The following COL25A1 variants were observed in gnomAD, a reference collection of about 807,000 sequenced individuals.
COL25A1 encodes the protein collagen alpha-1(XXV) chain.
In COL25A1, 103 loss-of-function variants were observed where a neutral mutation model predicts 128.4. The ratio of observed to expected loss-of-function variants is 0.80; its 90% confidence interval spans 0.68 to 0.94. The LOEUF (loss-of-function observed/expected upper bound fraction) is 0.94. COL25A1 is among the 40% of genes least tolerant of loss of function. COL25A1 has a pLI of 0.00. For missense variants in COL25A1, 745 were observed against 840.0 expected, an observed-to-expected ratio of 0.89 and a Z score of 1.40; for synonymous variants, 279 against 277.2, an observed-to-expected ratio of 1.01 and a Z score of -0.06.
At chr4:109,255,100 T>C (rs1780992098) in intron 3 of COL25A1, among the ~76,000 whole-genome samples, 1 of 152,126 alleles carries the variant, frequency 6.6e-6, no homozygotes, top group South Asian at 2.1e-4. Context: ...AAGTATTCCG[T>C]TTGGGTGGGA....
At chr4:109,086,792 C>A (rs1258779252) in intron 3 of COL25A1, among the ~76,000 whole-genome samples, 1 of 152,136 alleles carries the variant, frequency 6.6e-6, no homozygotes, top group African/African-American at 2.4e-5. Flanking sequence ...CTCAGAGGGG[C>A]CTAGGAAAGC....
intron 8 of COL25A1, among the ~76,000 whole-genome samples, chr4:108,953,272 A>G (rs933043724): frequency 5.3e-5 from 8 of 152,164 alleles, no homozygotes; most frequent in Non-Finnish European, 8.8e-5. Context: ...GTACTAGTTC[A>G]TCTGGTCCTA....
chr4:108,901,060 T>A, intron 14 of COL25A1, 59 bp downstream of exon 14: 6 of 1,325,776 alleles, frequency 4.5e-6, no homozygotes. Flanking sequence ...AAATAATAGC[T>A]TACAATTTCC....
At chr4:109,201,357 AT>A (rs1356647261) in intron 3 of COL25A1, among the ~76,000 whole-genome samples, 2 of 152,210 alleles carry the variant, frequency 1.3e-5, no homozygotes, top group Non-Finnish European at 2.9e-5. Context: ...AATTAATGAA[AT>A]CCACCACACA....
intron 6 of COL25A1, among the ~76,000 whole-genome samples, chr4:108,993,110 G>A (rs1185733517): frequency 1.3e-5 from 2 of 152,040 alleles, no homozygotes; most frequent in African/African-American, 4.8e-5. Context: ...TCACCATGTT[G>A]TACCATAGAT....
chr4:109,021,424 C>A (rs1757751687), intron 5 of COL25A1, among the ~76,000 whole-genome samples: 1 of 152,168 alleles, frequency 6.6e-6, no homozygotes, highest in African/African-American at 2.4e-5. Flanking sequence ...CTAATAATTT[C>A]TTATGCCTGT....
At chr4:109,007,691 G>A (rs1226256097) in intron 6 of COL25A1, among the ~76,000 whole-genome samples, 1 of 152,206 alleles carries the variant, frequency 6.6e-6, no homozygotes, top group African/African-American at 2.4e-5. Context: ...GGGACCATTT[G>A]AAAATGCTGG....
intron 3 of COL25A1, among the ~76,000 whole-genome samples, chr4:109,297,099 T>G (rs1386276813): frequency 6.6e-6 from 1 of 152,136 alleles, no homozygotes; most frequent in East Asian, 1.9e-4. Flanking sequence ...TCAATTTGTA[T>G]GGAAATTTTA....
intron 3 of COL25A1, among the ~76,000 whole-genome samples, chr4:109,241,224 T>C (rs1465984212): frequency 1.3e-5 from 2 of 152,012 alleles, no homozygotes; most frequent in African/African-American, 4.8e-5. Context: ...ATCTCTAAGG[T>C]GTCTTTTAAT....
At chr4:109,134,836 A>G (rs188983224) in intron 3 of COL25A1, among the ~76,000 whole-genome samples, 1 of 152,246 alleles carries the variant, frequency 6.6e-6, no homozygotes, top group Admixed American at 6.5e-5. Context: ...TTGGAGAAAA[A>G]TTCTGAGCTA....
intron 3 of COL25A1, among the ~76,000 whole-genome samples, chr4:109,160,850 C>A (rs1772504876): frequency 6.6e-6 from 1 of 152,104 alleles, no homozygotes; most frequent in Non-Finnish European, 1.5e-5. Flanking sequence ...ACCCTAAAAT[C>A]CCTTTACCAA....
chr4:109,244,700 T>A (rs1426170977), intron 3 of COL25A1, among the ~76,000 whole-genome samples: 1 of 152,082 alleles, frequency 6.6e-6, no homozygotes, highest in Non-Finnish European at 1.5e-5. Flanking sequence ...TGCACTGCAG[T>A]CCCCAAAAGA....
intron 31 of COL25A1, among the ~76,000 whole-genome samples, chr4:108,834,661 A>G (rs1201337772): frequency 6.6e-6 from 1 of 152,208 alleles, no homozygotes; most frequent in African/African-American, 2.4e-5. Flanking sequence ...AAACTGGGCT[A>G]CAAAGTAGTT....
intron 3 of COL25A1, among the ~76,000 whole-genome samples, chr4:109,065,543 C>G (rs890173): frequency 7.6e-6 from 1 of 131,132 alleles, no homozygotes. Flanking sequence ...CGCGCGCGCG[C>G]GCGTGTGTGT....
At chr4:108,917,422 C>T (rs893845202) in intron 13 of COL25A1, among the ~76,000 whole-genome samples, 2 of 152,132 alleles carry the variant, frequency 1.3e-5, no homozygotes, top group East Asian at 3.9e-4. Context: ...GAAAGTCCCT[C>T]GCTCAGCTTC....
At chr4:109,165,790 C>T (rs570608406) in intron 3 of COL25A1, among the ~76,000 whole-genome samples, 1 of 152,214 alleles carries the variant, frequency 6.6e-6, no homozygotes, top group East Asian at 1.9e-4. Context: ...TAAGTGTATG[C>T]TATCTCCATA....
At chr4:109,012,681 T>C (rs1364312151) in intron 5 of COL25A1, among the ~76,000 whole-genome samples, 1 of 152,088 alleles carries the variant, frequency 6.6e-6, no homozygotes, top group Non-Finnish European at 1.5e-5. Context: ...CGCACCACGC[T>C]TGAATTCTCA....
chr4:109,287,474 T>A (rs928422514), intron 3 of COL25A1, among the ~76,000 whole-genome samples: 6 of 152,222 alleles, frequency 3.9e-5, no homozygotes, highest in Admixed American at 6.5e-5. Context: ...AGAGGTCAGT[T>A]ACCATCCACA....
intron 3 of COL25A1, among the ~76,000 whole-genome samples, chr4:109,181,903 A>G (rs1774672633): frequency 6.6e-6 from 1 of 151,948 alleles, no homozygotes; most frequent in Non-Finnish European, 1.5e-5. Flanking sequence ...CTCTGTTTCT[A>G]TGAGTTCAAC....
Sources: allele counts gnomAD v4.1 joint callset (sites outside exome capture counted in the v4.1 genomes callset), GRCh38; gene constraint gnomAD v4.1.1; transcripts MANE v1.5; gene names NCBI Gene and HGNC (gene_info 2026-07-23, HGNC 2026-07-21).